DNM2: variants seen among roughly 807,000 people sequenced by gnomAD.
DNM2 encodes dynamin 2.
In DNM2, 15 loss-of-function variants were observed where a neutral mutation model predicts 99.0. The observed-to-expected ratio is 0.15, with a 90% CI of 0.10 to 0.23. The LOEUF is 0.23. Among genes scored for constraint, DNM2 ranks in the 10% least tolerant of loss-of-function variants. DNM2 has a pLI of 1.00. For synonymous variants in DNM2, 525 were observed against 481.2 expected (o/e 1.09, Z -1.19); for missense variants, 742 against 1,189.4 (o/e 0.62, Z 5.53).
At chr19:10,741,477 T>A (rs1397316917) in intron 1 of DNM2, among the ~76,000 whole-genome samples, 1 of 152,026 alleles carries the variant, frequency 6.6e-6, no homozygotes, top group Non-Finnish European at 1.5e-5. Context: ...GATCCTCTCA[T>A]CTTGGCCTCC....
At chr19:10,806,641 A>C (rs1165998024) in intron 13 of DNM2, among the ~76,000 whole-genome samples, 1 of 151,978 alleles carries the variant, frequency 6.6e-6, no homozygotes, top group African/African-American at 2.4e-5. Flanking sequence ...AAAATACAAA[A>C]AATTAACCAG....
In DNM2 at chr19:10,830,014, G is replaced by A. The variant is rs1028860815; in HGVS notation, c.2292-113G>A. The A allele has an allele frequency of 2.1e-5, 32 of 1,492,670 alleles. 1 individual carries two copies. The highest frequency in any genetic ancestry group is 1.3e-4 in the Admixed American group (8 of 59,760). The allele number at this position is 1,492,670 out of a possible 1,614,324, so 92.5% of individuals were successfully genotyped here. A position where few individuals can be genotyped will look rare whatever the true frequency, so the allele number is the denominator to read the frequency against. Reference sequence around the variant, plus strand: ...GGTTGGGGTGGGAGGATCCCACTGCGCCTGCGCTGTCCCCATAGCCAGCCC... The same window carrying A: ...GGTTGGGGTGGGAGGATCCCACTGCACCTGCGCTGTCCCCATAGCCAGCCC... On this transcript the variant is annotated intron_variant, in intron 19 of 20. Coordinates refer to ENST00000389253, the MANE Select transcript of DNM2 (RefSeq NM_001005361.3). This position sits in a 1 kb window ranked among gnomAD's most constrained non-coding sequence, Gnocchi z 4.8.
chr19:10,759,492 G>A, intron 1 of DNM2: 2 of 579,960 alleles, frequency 3.4e-6, no homozygotes, highest in South Asian at 4.0e-5. Flanking sequence ...GGAGTACGGG[G>A]GGTGGGGCAC....
In DNM2 at chr19:10,795,377, G is replaced by T; in HGVS notation, c.1134G>T (p.Glu378Asp). ...CTTGGTTTGTCTCTTCTCAGATGGAGTTTGACGAGAAGGACTTACGACGGG... is the reference window on the plus strand; with the variant it reads ...CTTGGTTTGTCTCTTCTCAGATGGATTTTGACGAGAAGGACTTACGACGGG... ...ERFPFELVKM[E>D]FDEKDLRREI... is the part of the protein sequence containing the mutation. Residue 378 changes from glutamate to aspartate, a missense_variant, in exon 9 of 21, where the codon GAG becomes GAT. Glu to Asp is a conservative substitution (Grantham distance 45). Around this residue, in one of 7 missense-constraint regions of DNM2, gnomAD observed 13 missense variants for 61.3 expected, o/e 0.21. Transcript: ENST00000389253. The surrounding 1 kb of genome is among the most constrained non-coding windows in gnomAD (Gnocchi z 4.2). 1 of 1,614,152 alleles carries T rather than the reference G, an allele frequency of 6.2e-7. No homozygotes were observed. The highest frequency in any genetic ancestry group is 8.5e-7 in the Non-Finnish European group (1 of 1,180,030).
intron 7 of DNM2, among the ~76,000 whole-genome samples, 189 bp downstream of exon 7, chr19:10,786,895 C>T (rs984732464): frequency 2.0e-5 from 3 of 152,220 alleles, no homozygotes; most frequent in African/African-American, 7.2e-5. Context: ...GACAGGTGTC[C>T]GTCCCTGCCC....
chr19:10,728,261 G>A (rs201184826), intron 1 of DNM2, among the ~76,000 whole-genome samples: 2 of 152,324 alleles, frequency 1.3e-5, no homozygotes, highest in East Asian at 3.9e-4. Flanking sequence ...TCTGCCCAGG[G>A]GTGGCAGCTG....
chr19:10,803,468 C>T (rs1256833799), intron 12 of DNM2, among the ~76,000 whole-genome samples: 10 of 152,306 alleles, frequency 6.6e-5, no homozygotes, highest in African/African-American at 9.6e-5. Flanking sequence ...TCCCGGCCGC[C>T]GGGTGTGTGT....
At chr19:10,725,616 C>T (rs1270767990) in intron 1 of DNM2, among the ~76,000 whole-genome samples, 1 of 152,082 alleles carries the variant, frequency 6.6e-6, no homozygotes, top group Non-Finnish European at 1.5e-5. Context: ...GCCTCAGTTT[C>T]CTCATCTGGA....
rs1182209573 is a variant in DNM2, at chr19:10,818,856, C to T, written c.1672-1124C>T. Among the ~76,000 whole-genome samples the T allele has an allele frequency of 6.6e-6, 1 of 152,170 alleles. No homozygotes were observed. ...TCCTGCTGTGGCTTGCGCTGCCTGC[C>T]GTGTGGCCTTCGGCAGCCAGCTTCC... On this transcript the variant is annotated intron_variant, in intron 15 of 20. Transcript: ENST00000389253. The surrounding 1 kb of genome is among the most constrained non-coding windows in gnomAD (Gnocchi z 4.3).
chr19:10,797,745 C>A (rs1054672202), intron 10 of DNM2, among the ~76,000 whole-genome samples: 1 of 152,168 alleles, frequency 6.6e-6, no homozygotes, highest in Non-Finnish European at 1.5e-5. Context: ...TGTTGCCAAA[C>A]GCATTGCATT....
rs752870346 is a variant in DNM2, at chr19:10,830,304, C to A, written c.2469C>A (p.Asp823Glu). The change falls in exon 20 of 21, where the codon GAC becomes GAA. Residue 823 changes from aspartate (D) to glutamate (E), a missense_variant. Transcript: ENST00000389253. The surrounding 1 kb of genome is among the most constrained non-coding windows in gnomAD (Gnocchi z 4.8). ...PGPQSVFANS[D>E]LFPAPPQIPS... ...CCCAGAGCGTGTTTGCCAACAGTGA[C>A]CTCTTCCCAGCCCCGCCTCAGATCC... 1 of 1,613,772 alleles carries A rather than the reference C, an allele frequency of 6.2e-7. No homozygotes were observed. The highest frequency in any genetic ancestry group is 8.5e-7 in the Non-Finnish European group (1 of 1,179,892).
chr19:10,720,214 T>C (rs556166805), intron 1 of DNM2, among the ~76,000 whole-genome samples: 1 of 144,760 alleles, frequency 6.9e-6, no homozygotes, highest in Non-Finnish European at 1.5e-5. Flanking sequence ...ATTTATTTAT[T>C]TATTTTTTTT....
intron 7 of DNM2, among the ~76,000 whole-genome samples, chr19:10,789,694 TGTG>T (rs1349679264): frequency 1.3e-5 from 2 of 151,930 alleles, no homozygotes; most frequent in Admixed American, 1.3e-4. Flanking sequence ...ATTAGCCAGG[TGTG>T]GTGGTGGGCA....
chr19:10,797,309 C>A, intron 9 of DNM2, 71 bp from the exon 10 acceptor site: 1 of 1,595,020 alleles, frequency 6.3e-7, no homozygotes, highest in Non-Finnish European at 8.5e-7. Flanking sequence ...TCTCTGTCTC[C>A]TGTCCTGCGT....
intron 15 of DNM2, among the ~76,000 whole-genome samples, chr19:10,815,453 T>TC (rs2072704446): frequency 6.6e-6 from 1 of 152,186 alleles, no homozygotes; most frequent in African/African-American, 2.4e-5. Context: ...CTCTGGCCTG[T>TC]CCCCTCTGGA....
At chr19:10,721,587 A>G (rs1490884228) in intron 1 of DNM2, among the ~76,000 whole-genome samples, 1 of 151,900 alleles carries the variant, frequency 6.6e-6, no homozygotes, top group East Asian at 1.9e-4. Context: ...TTTGTTGCCG[A>G]GGTTGGAGTG....
At chr19:10,779,130 G>A (rs534059112) in intron 5 of DNM2, among the ~76,000 whole-genome samples, 168 of 151,172 alleles carry the variant, frequency 1.1e-3, no homozygotes, top group Non-Finnish European at 1.9e-3. Context: ...CAGGAGAATC[G>A]CTTGAACCCA....
chr19:10,817,637 G>T lies in DNM2; in HGVS notation c.1672-2343G>T, dbSNP rs2072799795. 1 of 236,332 alleles carries T rather than the reference G, an allele frequency of 4.2e-6. No homozygotes were observed. Among genetic ancestry groups the T allele is most frequent in the Non-Finnish European group, 8.9e-6 (1 of 112,022 alleles). The allele number at this position is 236,332 out of a possible 1,614,324, so 14.6% of individuals were successfully genotyped here. ...CGCTCTGTCCCTTCTGACGTGGCAA[G>T]GCTGGGGCCGGCTCGCATCTGGAGA... On this transcript the variant is annotated intron_variant, in intron 15 of 20. Transcript: ENST00000389253. The surrounding 1 kb of genome is among the most constrained non-coding windows in gnomAD (Gnocchi z 4.6).
At chr19:10,806,377 T>G (rs984875918) in intron 13 of DNM2, among the ~76,000 whole-genome samples, 2 of 151,808 alleles carry the variant, frequency 1.3e-5, no homozygotes, top group African/African-American at 4.8e-5. Flanking sequence ...ATTTAAAAAT[T>G]ACCTGGGAGT....
Sources: allele counts gnomAD v4.1 joint callset (sites outside exome capture counted in the v4.1 genomes callset), GRCh38; gene constraint gnomAD v4.1.1; regional missense constraint gnomAD v4.1.1; non-coding constraint Gnocchi (gnomAD v3.1); transcripts MANE v1.5; gene names NCBI Gene and HGNC (gene_info 2026-07-23, HGNC 2026-07-21).